The following ZCCHC7 variants were observed in gnomAD, a reference collection of about 807,000 sequenced individuals.
ZCCHC7 encodes the protein zinc finger CCHC-type containing 7.
A neutral mutation model predicts 52.0 loss-of-function variants in ZCCHC7; 35 were observed. The observed-to-expected ratio is 0.67, with a 90% confidence interval of 0.51 to 0.89. ZCCHC7 has a LOEUF of 0.89. Ranked by LOEUF, ZCCHC7 falls within the 40% of genes least tolerant of loss-of-function variation. The pLI, the probability that ZCCHC7 is intolerant of heterozygous loss-of-function variation, is 0.00. For missense variants in ZCCHC7, 574 were observed against 649.1 expected, an observed-to-expected ratio of 0.88 and a Z score of 1.26; for synonymous variants, 217 against 221.5, an observed-to-expected ratio of 0.98 and a Z score of 0.18.
chr9:37,184,500 T>G (rs1005742623), intron 2 of ZCCHC7, among the ~76,000 whole-genome samples: 4 of 152,146 alleles, frequency 2.6e-5, no homozygotes, highest in African/African-American at 9.7e-5. Flanking sequence ...CCTGCTCTCC[T>G]GATCTCTTAT....
chr9:37,193,608 T>G (rs944548707), intron 2 of ZCCHC7, among the ~76,000 whole-genome samples: 2 of 152,102 alleles, frequency 1.3e-5, no homozygotes, highest in African/African-American at 4.8e-5. Flanking sequence ...GAGAAAAATC[T>G]AGTAGCCTTT....
chr9:37,178,717 T>G (rs1025555619), intron 2 of ZCCHC7, among the ~76,000 whole-genome samples: 6 of 152,208 alleles, frequency 3.9e-5, no homozygotes, highest in Non-Finnish European at 7.3e-5. Context: ...TATTAAACAG[T>G]GAAAGTAAAT....
intron 5 of ZCCHC7, among the ~76,000 whole-genome samples, chr9:37,322,530 A>G (rs1208665291): frequency 6.6e-6 from 1 of 151,922 alleles, no homozygotes; most frequent in East Asian, 1.9e-4. Context: ...TGACCAAGGT[A>G]TTTTAAGATT....
At chr9:37,160,778 C>T (rs534102124) in intron 2 of ZCCHC7, among the ~76,000 whole-genome samples, 11 of 151,468 alleles carry the variant, frequency 7.3e-5, no homozygotes, top group Admixed American at 2.6e-4. Context: ...CCCAACTACT[C>T]GGGAGGCTGA....
chr9:37,349,587 A>T lies in ZCCHC7; in HGVS notation c.1083+135A>T, dbSNP rs73452636. On this transcript the variant is annotated intron_variant, in intron 7 of 8. Transcript: ENST00000336755. ...TAAAGTAAGACTTAATATATTTTCA[A>T]CTGGTTTACCCCTCCCCTCCCTGCT... 1,394 of 852,880 alleles carry T rather than the reference A, an allele frequency of 1.6e-3. 10 individuals are homozygous for T. In the African/African-American group the frequency reaches 0.02, roughly 12 times the overall value. 52.8% of individuals were successfully genotyped at this position (852,880 alleles called of 1,614,324 possible). A position where few individuals can be genotyped will look rare whatever the true frequency, so the allele number is the denominator to read the frequency against.
chr9:37,293,165 T>C (rs771608266), intron 2 of ZCCHC7, among the ~76,000 whole-genome samples: 1 of 152,202 alleles, frequency 6.6e-6, no homozygotes, highest in Non-Finnish European at 1.5e-5. Context: ...TTGTGATATA[T>C]CCTGTAAACA....
chr9:37,326,295 A>G (rs1188967736), intron 5 of ZCCHC7: 1 of 152,108 alleles, frequency 6.6e-6, no homozygotes, highest in Non-Finnish European at 1.5e-5. Context: ...GGTAACTAAC[A>G]TGATCTTTGC....
chr9:37,198,374 T>C (rs1216345799), intron 2 of ZCCHC7, among the ~76,000 whole-genome samples: 1 of 152,216 alleles, frequency 6.6e-6, no homozygotes, highest in Non-Finnish European at 1.5e-5. Flanking sequence ...AAAGTTTTAA[T>C]GGTAATTAAC....
chr9:37,343,618 A>T (rs1321425835), intron 6 of ZCCHC7, among the ~76,000 whole-genome samples: 1 of 152,226 alleles, frequency 6.6e-6, no homozygotes, highest in Non-Finnish European at 1.5e-5. Context: ...AAATTCCATG[A>T]AACTTTTTCT....
intron 2 of ZCCHC7, among the ~76,000 whole-genome samples, chr9:37,242,879 A>G (rs1036967817): frequency 6.6e-6 from 1 of 151,882 alleles, no homozygotes; most frequent in East Asian, 1.9e-4. Context: ...TCTTTGTATC[A>G]GCACCCTGAA....
At chr9:37,308,777 GAGACCA>G (rs1489741708) in intron 5 of ZCCHC7, among the ~76,000 whole-genome samples, 1 of 151,852 alleles carries the variant, frequency 6.6e-6, no homozygotes, top group Admixed American at 6.6e-5. Flanking sequence ...TCAAGAGATC[GAGACCA>G]TCCTGGCCAG....
intron 2 of ZCCHC7, among the ~76,000 whole-genome samples, chr9:37,278,690 TTATAAA>T (rs774518824): frequency 2.6e-5 from 4 of 152,142 alleles, no homozygotes; most frequent in Non-Finnish European, 4.4e-5. Context: ...AATAAAAATC[TTATAAA>T]TAGTAACAGA....
At chr9:37,236,083 G>A (rs1410568577) in intron 2 of ZCCHC7, among the ~76,000 whole-genome samples, 1 of 152,092 alleles carries the variant, frequency 6.6e-6, no homozygotes, top group Admixed American at 6.6e-5. Flanking sequence ...GGGATTGCTG[G>A]ATCATATGGT....
chr9:37,304,354 T>G lies in ZCCHC7; in HGVS notation c.780+41T>G, dbSNP rs756075468. ...TTTGCTTCTTTCCACATTTGTAAAC[T>G]CAAAATCTCAAGGGTGAGGCTGGGC... On this transcript the variant is annotated intron_variant, in intron 4 of 8. Transcript: ENST00000336755. The G allele has an allele frequency of 5.0e-6, 8 of 1,600,410 alleles. No homozygotes were observed. In the East Asian group the frequency reaches 6.7e-5, roughly 13 times the overall value.
intron 6 of ZCCHC7, among the ~76,000 whole-genome samples, chr9:37,339,223 G>A (rs1830818009): frequency 6.6e-6 from 1 of 152,156 alleles, no homozygotes; most frequent in Admixed American, 6.5e-5. Context: ...AAAGCCATTA[G>A]CTTGGAGAAA....
At chr9:37,174,069 T>C (rs985779947) in intron 2 of ZCCHC7, among the ~76,000 whole-genome samples, 2 of 152,148 alleles carry the variant, frequency 1.3e-5, no homozygotes, top group Admixed American at 6.5e-5. Flanking sequence ...TCCAGCACTT[T>C]GGGAGGCTGA....
chr9:37,171,713 C>T (rs1315047677), intron 2 of ZCCHC7, among the ~76,000 whole-genome samples: 1 of 152,174 alleles, frequency 6.6e-6, no homozygotes, highest in African/African-American at 2.4e-5. Flanking sequence ...TTTAGGGACT[C>T]TTCTTCCCTG....
chr9:37,134,422 A>G (rs1421317338), intron 2 of ZCCHC7, among the ~76,000 whole-genome samples: 3 of 152,230 alleles, frequency 2.0e-5, no homozygotes, highest in African/African-American at 7.2e-5. Context: ...CTCTGTTGTT[A>G]CATCATCAGT....
chr9:37,153,109 C>A (rs1820620681), intron 2 of ZCCHC7, among the ~76,000 whole-genome samples: 1 of 151,806 alleles, frequency 6.6e-6, no homozygotes, highest in Admixed American at 6.6e-5. Context: ...ATACTCCTAT[C>A]TTTTTTCCTT....
Sources: gnomAD v4.1 joint callset for allele counts (sites outside exome capture counted in the v4.1 genomes callset) on GRCh38, gnomAD v4.1.1 for gene constraint, MANE v1.5 for transcripts, NCBI Gene and HGNC (gene_info 2026-07-23, HGNC 2026-07-21) for gene names.